VDAC3: variants seen among roughly 807,000 people sequenced by gnomAD.
VDAC3 encodes voltage dependent anion channel 3.
Under a neutral mutation model 33.9 loss-of-function variants are expected in VDAC3, and 7 were observed. That is an observed-to-expected ratio of 0.21 (90% CI 0.12 to 0.39). The LOEUF is 0.39. Among genes scored for constraint, VDAC3 ranks in the 10% least tolerant of loss-of-function variants. The pLI, the probability that VDAC3 is intolerant of heterozygous loss-of-function variation, is 1.00. For missense variants in VDAC3, 261 were observed against 334.5 expected (o/e 0.78, Z 1.71); for synonymous variants, 100 against 122.4 (o/e 0.82, Z 1.21).
intron 7 of VDAC3, among the ~76,000 whole-genome samples, chr8:42,402,657 T>C (rs909239531): frequency 2.6e-5 from 4 of 152,228 alleles, no homozygotes; most frequent in Non-Finnish European, 4.4e-5. Flanking sequence ...CTATGTGTTT[T>C]TAAACTGTTG....
In VDAC3 at chr8:42,405,656, G is replaced by A; in HGVS notation, c.*194G>A. 1 of 534,120 alleles carries A rather than the reference G, an allele frequency of 1.9e-6. No individual in the cohort carries two copies. The highest frequency in any genetic ancestry group is 3.4e-6 in the Non-Finnish European group (1 of 297,906). The allele number at this position is 534,120 out of a possible 1,614,324, so 33.1% of individuals were successfully genotyped here. A position where few individuals can be genotyped will look rare whatever the true frequency, so the allele number is the denominator to read the frequency against. On this transcript the variant is annotated 3_prime_UTR_variant, in exon 10 of 10. Transcript: ENST00000022615. The stretch of plus-strand genomic sequence containing the variant: ...GAGGGAGATGCTTGAAGGCATGCCT[G>A]GAAGTTGTCATGTTTGTGCCACGTT...
rs753960058 is a variant in VDAC3, at chr8:42,403,398, G to A, written c.639G>A (p.Gly213=). The A allele has an allele frequency of 5.0e-6, 8 of 1,611,862 alleles. No individual in the cohort carries two copies. The highest frequency in any genetic ancestry group is 6.8e-6 in the Non-Finnish European group (8 of 1,179,398). ...CCATAAACCTTGCTTGGACAGCTGG[G>A]AGTAACAACACCCGTTTTGGCATTG... ...ETSINLAWTA[G]SNNTRFGIAA... The change falls in exon 8 of 10, where the codon GGG becomes GGA. Residue 213 remains glycine, a synonymous_variant. Coordinates refer to ENST00000022615, the MANE Select transcript of VDAC3 (RefSeq NM_005662.7).
Position 42,401,999 on chromosome 8 carries a change from C to A in VDAC3, c.535C>A (p.Gln179Lys). ...FALGYKAADF[Q>K]LHTHVNDGTE... is the part of the protein sequence containing the mutation. ...CCTGGGTTACAAGGCTGCGGACTTC[C>A]AGCTGCACACACATGTGTGAGTGTT... The change falls in exon 7 of 10, where the codon CAG becomes AAG. Residue 179 changes from glutamine to lysine, a missense_variant. Physicochemically the swap from Gln to Lys is moderately conservative, Grantham distance 53. Transcript: ENST00000022615. 1 of 1,614,234 alleles carries A rather than the reference C, an allele frequency of 6.2e-7. No homozygotes were observed. Among genetic ancestry groups the A allele is most frequent in the Non-Finnish European group, 8.5e-7 (1 of 1,180,038 alleles).
intron 6 of VDAC3, among the ~76,000 whole-genome samples, chr8:42,401,354 G>A (rs1040494990): frequency 2.0e-5 from 3 of 151,974 alleles, no homozygotes; most frequent in African/African-American, 7.3e-5. Context: ...GTGCCACCAC[G>A]CCCAGCTAAT....
chr8:42,401,670 A>G, intron 6 of VDAC3, 118 bp from the exon 7 acceptor site: 3 of 897,836 alleles, frequency 3.3e-6, no homozygotes, highest in South Asian at 3.2e-5. Context: ...TGTGGCATGT[A>G]CCAAAATAAT....
chr8:42,401,705 G>A (rs1802416486), intron 6 of VDAC3, 83 bp from the exon 7 acceptor site: 5 of 1,230,676 alleles, frequency 4.1e-6, no homozygotes, highest in Non-Finnish European at 5.9e-6. Context: ...ATGAGAGAGA[G>A]GATCTTACTC....
intron 4 of VDAC3, among the ~76,000 whole-genome samples, chr8:42,398,486 G>A (rs1802356675): frequency 6.6e-6 from 1 of 152,030 alleles, no homozygotes; most frequent in African/African-American, 2.4e-5. Flanking sequence ...CCTTGGCCTC[G>A]TAACATGCTG....
intron 3 of VDAC3, among the ~76,000 whole-genome samples, chr8:42,394,603 C>T (rs537453032): frequency 5.9e-5 from 9 of 152,062 alleles, no homozygotes; most frequent in Non-Finnish European, 1.3e-4. Flanking sequence ...ACTTTTCCTC[C>T]CTCCAAACAG....
Position 42,394,980 on chromosome 8 carries a change from T to G in VDAC3, c.68-104T>G, listed in dbSNP as rs3817668. ...ACCCAATGAAAATACTATGCATTTT[T>G]CATATGGAAGGTACTATAGGCTATT... On this transcript the variant is annotated intron_variant, in intron 3 of 9. Transcript: ENST00000022615. 688 of 1,319,082 alleles carry G rather than the reference T, an allele frequency of 5.2e-4. 12 individuals carry two copies. The East Asian group carries it at 0.016, about 31-fold the overall frequency. 81.7% of individuals were successfully genotyped at this position (1,319,082 alleles called of 1,614,324 possible).
Position 42,404,859 on chromosome 8 carries a change from A to T in VDAC3, c.703-8A>T. The T allele has an allele frequency of 6.2e-7, 1 of 1,611,190 alleles. No individual in the cohort carries two copies. ...GTTTTCTGTTATTATTCTATCTCTT[A>T]ATCTTAGGCTAAAGTAAATAATGCC... On this transcript the variant is annotated splice_region_variant and splice_polypyrimidine_tract_variant and intron_variant, in intron 8 of 9. Coordinates refer to ENST00000022615, the MANE Select transcript of VDAC3 (RefSeq NM_005662.7).
chr8:42,401,577 TAGA>T (rs1242230372), intron 6 of VDAC3, among the ~76,000 whole-genome samples: 3 of 152,348 alleles, frequency 2.0e-5, no homozygotes, highest in Admixed American at 1.3e-4. Context: ...TAATGAGTAA[TAGA>T]TGATAGTAGT....
At chr8:42,396,212 C>T (rs989862909) in intron 4 of VDAC3, among the ~76,000 whole-genome samples, 8 of 152,170 alleles carry the variant, frequency 5.3e-5, no homozygotes, top group South Asian at 4.1e-4. Context: ...GAGCAGAGAT[C>T]GTGCCACTGT....
intron 5 of VDAC3, 26 bp from the exon 6 acceptor site, chr8:42,399,625 A>G (rs1483548616): frequency 6.3e-7 from 1 of 1,593,878 alleles, no homozygotes; most frequent in East Asian, 2.2e-5. Context: ...ATTACTAATT[A>G]TTTATTTTAA....
chr8:42,399,796 C>T (rs1802384360), intron 6 of VDAC3, 93 bp downstream of exon 6: 1 of 1,195,168 alleles, frequency 8.4e-7, no homozygotes, highest in East Asian at 2.4e-5. Context: ...AGTTCAGAGG[C>T]AGGAAGAACT....
rs1279142865 is a variant in VDAC3, at chr8:42,405,389, C to T, written c.779C>T (p.Ser260Leu). 2 of 1,612,948 alleles carry T rather than the reference C, an allele frequency of 1.2e-6. No individual in the cohort carries two copies. The highest frequency in any genetic ancestry group is 2.2e-5 in the South Asian group (2 of 90,962). The change falls in exon 10 of 10, where the codon TCA (serine) becomes TTA (leucine). Residue 260 changes from serine to leucine, a missense_variant. Ser to Leu is a moderately radical substitution (Grantham distance 145, BLOSUM62 -2). Coordinates refer to ENST00000022615, the MANE Select transcript of VDAC3 (RefSeq NM_005662.7). ...TLRPGVKLTL[S>L]ALIDGKNFSA... ...TTCCTAGGAGTCAAATTGACTTTAT[C>T]AGCTTTAATCGATGGGAAGAACTTC...
chr8:42,396,729 G>T, intron 4 of VDAC3: 2 of 675,140 alleles, frequency 3.0e-6, no homozygotes, highest in Non-Finnish European at 5.3e-6. Flanking sequence ...GCTGCTTTTG[G>T]TTTCTGGTAT....
In VDAC3 at chr8:42,405,882, C is replaced by A. The variant is rs1243096319; in HGVS notation, c.*420C>A. The A allele has an allele frequency of 6.4e-6, 1 of 155,312 alleles. No homozygotes were observed. Among genetic ancestry groups the A allele is most frequent in the South Asian group, 2.0e-4 (1 of 5,128 alleles). 9.6% of individuals were successfully genotyped at this position (155,312 alleles called of 1,614,324 possible). ...TCATAGTAAAATAAAATAAACCCAT[C>A]ACATTTGGAACATAACTGCTCATGT... On this transcript the variant is annotated 3_prime_UTR_variant, in exon 10 of 10. Coordinates refer to ENST00000022615, the MANE Select transcript of VDAC3 (RefSeq NM_005662.7).
At position 42,402,065 on chromosome 8, in the gene VDAC3, T is replaced by C. The variant is rs535829110; in HGVS notation, c.551+50T>C. 8.4e-6 allele frequency: 13 copies of C among 1,555,536 alleles called. No individual in the cohort carries two copies. In the Admixed American group the frequency reaches 1.8e-4, roughly 21 times the overall value. On this transcript the variant is annotated intron_variant, in intron 7 of 9. Transcript: ENST00000022615. ...AGTATCAGTGCAGTTGCCCAAAATA[T>C]TGTAGCCATTAGCATGCTGAGAAGT...
At chr8:42,399,248 A>G (rs553221065) in intron 5 of VDAC3, among the ~76,000 whole-genome samples, 1 of 152,336 alleles carries the variant, frequency 6.6e-6, no homozygotes, top group East Asian at 1.9e-4. Context: ...CACTATGTAC[A>G]GGGCACTGTT....
Sources: gnomAD v4.1 joint callset for allele counts (sites outside exome capture counted in the v4.1 genomes callset) on GRCh38, gnomAD v4.1.1 for gene constraint, MANE v1.5 for transcripts, NCBI Gene and HGNC (gene_info 2026-07-23, HGNC 2026-07-21) for gene names.